The following TENM1 variants were observed in gnomAD, a reference collection of about 807,000 sequenced individuals.
TENM1 encodes the protein teneurin-1.
Under a neutral mutation model 174.8 loss-of-function variants are expected in TENM1, and 35 were observed. The ratio of observed to expected loss-of-function variants is 0.20; its 90% CI spans 0.15 to 0.27. The LOEUF (loss-of-function observed/expected upper bound fraction) is 0.27, where lower values mean the gene tolerates loss of function less well. TENM1 is among the 10% of genes least tolerant of loss of function. The pLI, the probability that TENM1 is intolerant of heterozygous loss-of-function variation, is 1.00. For missense variants in TENM1, 1,633 were observed against 2,130.1 expected, an observed-to-expected ratio of 0.77 and a Z score of 4.59; for synonymous variants, 781 against 798.7, an observed-to-expected ratio of 0.98 and a Z score of 0.37.
chrX:124,564,606 C>T (rs2048900273), intron 12 of TENM1, among the ~76,000 whole-genome samples: 1 of 111,517 alleles, frequency 9.0e-6, no homozygotes, highest in African/African-American at 3.3e-5. Flanking sequence ...CCTTTCTATG[C>T]AAAGATTTCT....
At chrX:124,965,734 A>G (rs1225407907), upstream of TENM1, among the ~76,000 whole-genome samples, 1 of 110,716 alleles carries the variant, frequency 9.0e-6, no homozygotes, top group Non-Finnish European at 1.9e-5. Context: ...TTCAACAACA[A>G]TCTAATCTCA....
intron 1 of TENM1, among the ~76,000 whole-genome samples, chrX:124,906,418 G>A (rs1177304922): frequency 8.9e-6 from 1 of 112,005 alleles, no homozygotes; most frequent in Non-Finnish European, 1.9e-5. Flanking sequence ...TCTAGTGTGT[G>A]CTTAAATTAC....
At chrX:124,930,419 C>G (rs1181974200) in intron 1 of TENM1, among the ~76,000 whole-genome samples, 1 of 111,858 alleles carries the variant, frequency 8.9e-6, no homozygotes, top group Admixed American at 9.5e-5. Context: ...TAAGCTCACA[C>G]CATTCACTCC....
chrX:124,952,335 GGTGTGTGTGT>G (rs34542293), intron 1 of TENM1, among the ~76,000 whole-genome samples: 4 of 98,791 alleles, frequency 4.0e-5, no homozygotes, highest in African/African-American at 7.3e-5. Context: ...TTATGTATGG[GGTGTGTGTGT>G]GTGTGTGTGT....
intron 3 of TENM1, among the ~76,000 whole-genome samples, chrX:124,881,050 T>A (rs1356604963): frequency 8.9e-6 from 1 of 112,006 alleles, no homozygotes; most frequent in Non-Finnish European, 1.9e-5. Flanking sequence ...CCTTGTAGGA[T>A]GAGTTAGGGA....
chrX:124,860,463 C>T (rs1186878256), intron 3 of TENM1, among the ~76,000 whole-genome samples: 2 of 111,879 alleles, frequency 1.8e-5, no homozygotes, highest in Non-Finnish European at 3.8e-5. Flanking sequence ...TTTTCTCATC[C>T]ATATCAGGAT....
chrX:125,026,917 T>C, the TENM1 span, among the ~76,000 whole-genome samples: 1 of 111,509 alleles, frequency 9.0e-6, no homozygotes, highest in African/African-American at 3.3e-5. Context: ...AATATAGCAG[T>C]AGTCCCTCAA....
chrX:124,589,450 G>A (rs1452161536), intron 11 of TENM1, among the ~76,000 whole-genome samples: 1 of 110,146 alleles, frequency 9.1e-6, no homozygotes, highest in Non-Finnish European at 1.9e-5. Context: ...AGTTAGGGAG[G>A]AGTCACTTTC....
the TENM1 span, among the ~76,000 whole-genome samples, chrX:124,994,081 C>T: frequency 2.3e-4 from 25 of 110,615 alleles, no homozygotes; most frequent in Admixed American, 2.4e-3. Flanking sequence ...GATTGTCATC[C>T]CTTTTGTTGG....
intron 11 of TENM1, among the ~76,000 whole-genome samples, chrX:124,594,126 C>T (rs758008342): frequency 7.2e-4 from 81 of 111,766 alleles, no homozygotes; most frequent in African/African-American, 2.5e-3. Flanking sequence ...TTGGGCAAAA[C>T]AAAGTGCTTT....
chrX:124,520,962 G>A (rs1386302549), intron 17 of TENM1, among the ~76,000 whole-genome samples, 178 bp from the exon 21 acceptor site: 1 of 111,397 alleles, frequency 9.0e-6, no homozygotes, highest in Non-Finnish European at 1.9e-5. Context: ...AATAGGTTTT[G>A]AATTTTGCAC....
At chrX:125,168,875 G>A in the TENM1 span, among the ~76,000 whole-genome samples, 1 of 111,263 alleles carries the variant, frequency 9.0e-6, no homozygotes, top group African/African-American at 3.3e-5. Flanking sequence ...ACTAAGTCAT[G>A]ACCAGACTTT....
chrX:124,737,988 T>A (rs767565197), intron 3 of TENM1, among the ~76,000 whole-genome samples: 1 of 111,955 alleles, frequency 8.9e-6, no homozygotes, highest in Non-Finnish European at 1.9e-5. Context: ...AGGCTTCTAT[T>A]GTTGCTATTG....
the TENM1 span, among the ~76,000 whole-genome samples, chrX:125,161,065 A>C: frequency 1.8e-5 from 2 of 108,555 alleles, no homozygotes; most frequent in Non-Finnish European, 3.8e-5. Flanking sequence ...AAAAAAACAA[A>C]ACCCAAATGC....
At chrX:124,703,039 T>C (rs73545951) in intron 5 of TENM1, among the ~76,000 whole-genome samples, 2,422 of 111,587 alleles carry the variant, frequency 0.022, 33 homozygotes, top group African/African-American at 0.04. Context: ...ATATTAATGA[T>C]AATATTTAAC....
At chrX:125,029,096 T>C in the TENM1 span, among the ~76,000 whole-genome samples, 2 of 111,719 alleles carry the variant, frequency 1.8e-5, no homozygotes, top group African/African-American at 6.5e-5. Context: ...AAAATGCACA[T>C]TGAGTAGTGA....
chrX:124,549,156 C>T (rs1039138785), intron 14 of TENM1, among the ~76,000 whole-genome samples: 3 of 111,949 alleles, frequency 2.7e-5, no homozygotes, highest in African/African-American at 9.8e-5. Flanking sequence ...CCCTCCAATA[C>T]GCTGTTCTCA....
chrX:124,424,216 G>C (rs1317716788), intron 23 of TENM1, among the ~76,000 whole-genome samples: 2 of 111,638 alleles, frequency 1.8e-5, no homozygotes, highest in Admixed American at 1.9e-4. Flanking sequence ...TGGTTTGAAT[G>C]TGTCCCCCAA....
chrX:125,067,134 T>C, the TENM1 span, among the ~76,000 whole-genome samples: 4 of 111,202 alleles, frequency 3.6e-5, no homozygotes, highest in Non-Finnish European at 7.5e-5. Context: ...GCAGCTCAGA[T>C]AATCAATATA....
Sources: gnomAD v4.1 joint callset for allele counts (sites outside exome capture counted in the v4.1 genomes callset) on GRCh38, gnomAD v4.1.1 for gene constraint, MANE v1.5 for transcripts, NCBI Gene and HGNC (gene_info 2026-07-23, HGNC 2026-07-21) for gene names.